The following GLI2 variants were observed in gnomAD, a reference collection of about 807,000 sequenced individuals.
GLI2 encodes the protein GLI family zinc finger 2.
In GLI2, 22 loss-of-function variants were observed where a neutral mutation model predicts 78.9. The ratio of observed to expected loss-of-function variants is 0.28; its 90% CI spans 0.20 to 0.40. The LOEUF (loss-of-function observed/expected upper bound fraction) is 0.40, where lower values mean the gene tolerates loss of function less well. Among genes scored for constraint, GLI2 ranks in the 10% least tolerant of loss-of-function variants. GLI2 has a pLI of 1.00. For synonymous variants in GLI2, 974 were observed against 963.7 expected, an observed-to-expected ratio of 1.01 and a Z score of -0.20; for missense variants, 2,097 against 2,213.2, an observed-to-expected ratio of 0.95 and a Z score of 1.05.
intron 1 of GLI2, among the ~76,000 whole-genome samples, chr2:120,741,387 C>A (rs1161806827): frequency 6.6e-6 from 1 of 151,944 alleles, no homozygotes; most frequent in African/African-American, 2.4e-5. Flanking sequence ...GCTATCCGTC[C>A]GTCCTTTCTG....
Position 120,800,277 on chromosome 2 carries a change from C to T in GLI2, c.148+2809C>T, listed in dbSNP as rs1464841092. Among the ~76,000 whole-genome samples the T allele has an allele frequency of 3.3e-5, 5 of 151,932 alleles. No individual in the cohort carries two copies. The highest frequency in any genetic ancestry group is 1.2e-4 in the African/African-American group (5 of 41,380). On this transcript the variant is annotated intron_variant, in intron 2 of 13. Transcript: ENST00000361492. The surrounding 1 kb of genome is among the most constrained non-coding windows in gnomAD (Gnocchi z 4.1). The stretch of plus-strand genomic sequence containing the variant: ...CTTCTCGAGTTGTTTCTGGCAAAGA[C>T]GAATCATCTTGGTCTGGGCGACTGC...
intron 2 of GLI2, among the ~76,000 whole-genome samples, chr2:120,853,058 G>A (rs964500658): frequency 3.9e-5 from 6 of 152,198 alleles, no homozygotes; most frequent in Admixed American, 1.3e-4. Flanking sequence ...CGACATGATC[G>A]CTCAGGAGAC....
At chr2:120,783,422 G>T (rs570091592) in intron 1 of GLI2, among the ~76,000 whole-genome samples, 2 of 152,200 alleles carry the variant, frequency 1.3e-5, no homozygotes, top group South Asian at 4.2e-4. Context: ...GACCATGATT[G>T]GATTTGCAGG....
Position 120,986,272 on chromosome 2 carries a change from C to T in GLI2, c.1906-6C>T, listed in dbSNP as rs1682967892. On this transcript the variant is annotated splice_polypyrimidine_tract_variant and splice_region_variant and intron_variant, in intron 12 of 13. Coordinates refer to ENST00000361492, the MANE Select transcript of GLI2 (RefSeq NM_001374353.1). ...AGTCTGAGCCTTCTTGCCTCGTCCC[C>T]TGCAGCTGTGTCAGTCCAGCCCCGG... is the stretch of plus-strand genomic sequence containing the variant. The T allele has an allele frequency of 1.2e-6, 2 of 1,612,558 alleles. No individual in the cohort carries two copies. The highest frequency in any genetic ancestry group is 1.7e-6 in the Non-Finnish European group (2 of 1,179,716).
chr2:120,982,810 A>G lies in GLI2; in HGVS notation c.1562A>G (p.Glu521Gly). 6.2e-7 allele frequency: 1 copy of G among 1,614,154 alleles called. No homozygotes were observed. The highest frequency in any genetic ancestry group is 1.1e-5 in the South Asian group (1 of 91,084). Residue 521 changes from glutamate (E) to glycine (G), a missense_variant, in exon 11 of 14, where the codon GAG becomes GGG. Around this residue, in one of 5 missense-constraint regions of GLI2, gnomAD observed 104 missense variants for 190.6 expected, o/e 0.55. Coordinates refer to ENST00000361492, the MANE Select transcript of GLI2 (RefSeq NM_001374353.1). ...TGEKPYVCEH[E>G]GCNKAFSNAS... ...GAGAAGCCATATGTGTGTGAGCACG[A>G]GGGCTGCAACAAAGCCTTCTCCAAC...
At chr2:120,796,190 C>T (rs78017382) in intron 1 of GLI2, among the ~76,000 whole-genome samples, 4,662 of 152,314 alleles carry the variant, frequency 0.031, 105 homozygotes, top group Middle Eastern at 0.065. Flanking sequence ...CCCCGAATCC[C>T]GCTGGGTGTT....
chr2:120,960,944 G>T (rs542462023), intron 5 of GLI2, among the ~76,000 whole-genome samples: 3 of 152,338 alleles, frequency 2.0e-5, no homozygotes, highest in African/African-American at 7.2e-5. Context: ...GTGTGGGAAG[G>T]TGATAGAGAA....
intron 1 of GLI2, among the ~76,000 whole-genome samples, chr2:120,761,469 C>A (rs1017209948): frequency 6.6e-6 from 1 of 152,208 alleles, no homozygotes; most frequent in Non-Finnish European, 1.5e-5. Flanking sequence ...TCTCCCTGTT[C>A]TTTTCTCCCC....
intron 1 of GLI2, among the ~76,000 whole-genome samples, chr2:120,771,762 C>T (rs1683529539): frequency 6.6e-6 from 1 of 152,216 alleles, no homozygotes; most frequent in Non-Finnish European, 1.5e-5. Flanking sequence ...AGTCTTCTGC[C>T]TTCCAGAGGG....
chr2:120,826,444 G>A (rs112525672), intron 2 of GLI2, among the ~76,000 whole-genome samples: 2,038 of 152,264 alleles, frequency 0.013, 53 homozygotes, highest in African/African-American at 0.046. Context: ...CTCTGCTGCT[G>A]TTCGATCTGG....
At chr2:120,765,552 C>T (rs1683340594) in intron 1 of GLI2, among the ~76,000 whole-genome samples, 1 of 152,196 alleles carries the variant, frequency 6.6e-6, no homozygotes, top group Admixed American at 6.5e-5. Flanking sequence ...GGGACCTGGT[C>T]TGTACCCAGG....
intron 2 of GLI2, among the ~76,000 whole-genome samples, chr2:120,798,173 C>T (rs1193913282): frequency 3.9e-5 from 6 of 152,340 alleles, no homozygotes; most frequent in African/African-American, 1.4e-4. Flanking sequence ...TGTTCCAGTG[C>T]ATTTAGTCAG....
At position 120,842,891 on chromosome 2, in the gene GLI2, T is replaced by C. The variant is rs567757260; in HGVS notation, c.148+45423T>C. ...TTCAAATAATAGTTTTCTTGTTGTT[T>C]TTGAAATGAATACATTCCATGAGAG... On this transcript the variant is annotated intron_variant, in intron 2 of 13. Coordinates refer to ENST00000361492, the MANE Select transcript of GLI2 (RefSeq NM_001374353.1). Among the ~76,000 whole-genome samples the C allele has an allele frequency of 3.3e-5, 5 of 152,364 alleles. No homozygotes were observed. In the East Asian group the frequency reaches 9.6e-4, roughly 29 times the overall value.
chr2:120,935,211 G>A (rs751078171), intron 3 of GLI2, among the ~76,000 whole-genome samples: 1 of 152,202 alleles, frequency 6.6e-6, no homozygotes, highest in Non-Finnish European at 1.5e-5. Context: ...TGGGCCCAGC[G>A]TCACCCACCA....
chr2:120,802,858 C>T (rs1443953764), intron 2 of GLI2, among the ~76,000 whole-genome samples: 2 of 152,246 alleles, frequency 1.3e-5, no homozygotes, highest in African/African-American at 2.4e-5. Context: ...CAGTGTGGGC[C>T]GCACCAGCAA....
chr2:120,886,068 T>C (rs1438324249), intron 2 of GLI2, among the ~76,000 whole-genome samples: 2 of 151,752 alleles, frequency 1.3e-5, no homozygotes, highest in East Asian at 3.9e-4. Flanking sequence ...TTTTCCAAAG[T>C]AAATTTGTGT....
intron 1 of GLI2, among the ~76,000 whole-genome samples, chr2:120,772,909 C>T (rs750486111): frequency 3.9e-5 from 6 of 152,262 alleles, no homozygotes; most frequent in South Asian, 2.1e-4. Context: ...TTGGGTACCC[C>T]GCAAGGTCTC....
chr2:120,905,282 C>G (rs749202747), intron 2 of GLI2, among the ~76,000 whole-genome samples: 14 of 152,086 alleles, frequency 9.2e-5, no homozygotes, highest in Non-Finnish European at 1.5e-4. Flanking sequence ...GGGGAAAGTG[C>G]TGGAACCTCT....
At chr2:120,776,611 AG>A (rs1007990033) in intron 1 of GLI2, among the ~76,000 whole-genome samples, 7 of 152,092 alleles carry the variant, frequency 4.6e-5, no homozygotes, top group African/African-American at 1.4e-4. Context: ...TCCCAGTAAG[AG>A]GGTGGAATGC....
Sources: gnomAD v4.1 joint callset for allele counts (sites outside exome capture counted in the v4.1 genomes callset) on GRCh38, gnomAD v4.1.1 for gene constraint, gnomAD v4.1.1 regional missense constraint, Gnocchi (gnomAD v3.1) non-coding constraint, MANE v1.5 for transcripts, NCBI Gene and HGNC (gene_info 2026-07-23, HGNC 2026-07-21) for gene names.